ERBB4: variants seen among roughly 807,000 people sequenced by gnomAD.
The protein encoded by ERBB4 is receptor tyrosine-protein kinase erbB-4.
A neutral mutation model predicts 158.0 loss-of-function variants in ERBB4; 42 were observed. That is an observed-to-expected ratio of 0.27 (90% confidence interval 0.21 to 0.34). ERBB4 has a LOEUF of 0.34. Ranked by LOEUF, ERBB4 falls within the 10% of genes least tolerant of loss-of-function variation. The probability of loss-of-function intolerance (pLI) is 1.00; values close to 1 mark genes in which losing one functional copy is unlikely to be tolerated. For missense variants in ERBB4, 1,333 were observed against 1,624.1 expected, an observed-to-expected ratio of 0.82 and a Z score of 3.08; for synonymous variants, 583 against 558.7, an observed-to-expected ratio of 1.04 and a Z score of -0.61.
At chr2:212,025,546 T>G (rs2076753449) in intron 2 of ERBB4, among the ~76,000 whole-genome samples, 1 of 151,828 alleles carries the variant, frequency 6.6e-6, no homozygotes, top group Non-Finnish European at 1.5e-5. Context: ...AAAGTGTGAA[T>G]AGTTCATTTG....
intron 1 of ERBB4, among the ~76,000 whole-genome samples, chr2:212,500,047 TC>T (rs1055928744): frequency 1.3e-5 from 2 of 152,032 alleles, no homozygotes; most frequent in Non-Finnish European, 2.9e-5. Flanking sequence ...ATAATCCCTT[TC>T]CCCGGAATTT....
intron 2 of ERBB4, among the ~76,000 whole-genome samples, chr2:211,993,430 C>T (rs1173346014): frequency 2.6e-5 from 4 of 152,124 alleles, no homozygotes; most frequent in Non-Finnish European, 4.4e-5. Context: ...TAAACTTCTG[C>T]TGTTTAAGCC....
At chr2:211,500,084 G>C (rs1006255849) in intron 20 of ERBB4, among the ~76,000 whole-genome samples, 3 of 152,080 alleles carry the variant, frequency 2.0e-5, no homozygotes, top group African/African-American at 7.2e-5. Flanking sequence ...GAGACTGATG[G>C]AGATGAAATG....
chr2:212,033,230 C>CA (rs1032750430), intron 2 of ERBB4, among the ~76,000 whole-genome samples: 4 of 151,850 alleles, frequency 2.6e-5, no homozygotes, highest in African/African-American at 9.7e-5. Flanking sequence ...TTTAGATAGG[C>CA]AATTTGGAAA....
chr2:212,365,741 T>C (rs1281945972), intron 1 of ERBB4, among the ~76,000 whole-genome samples: 1 of 151,898 alleles, frequency 6.6e-6, no homozygotes, highest in Non-Finnish European at 1.5e-5. Flanking sequence ...TTTATATTTG[T>C]TCATCTACAA....
intron 2 of ERBB4, among the ~76,000 whole-genome samples, chr2:212,098,669 T>C (rs2078998237): frequency 6.6e-6 from 1 of 152,146 alleles, no homozygotes; most frequent in African/African-American, 2.4e-5. Context: ...TTAGGGATAT[T>C]ATATAATATT....
chr2:212,513,226 C>T lies in ERBB4; in HGVS notation c.82+25223G>A, dbSNP rs1275510336. On this transcript the variant is annotated intron_variant, in intron 1 of 27. Coordinates refer to ENST00000342788, the MANE Select transcript of ERBB4 (RefSeq NM_005235.3). ...GCCTTTACTGGTATGGAAGTAGCCA[C>T]GCAATAAGTATGTGCTGAATGAAAT... Among the ~76,000 whole-genome samples, 2 of 151,962 alleles carry T rather than the reference C, an allele frequency of 1.3e-5. 1 individual carries two copies.
At chr2:211,720,866 T>G (rs1024981862) in intron 7 of ERBB4, among the ~76,000 whole-genome samples, 1 of 152,232 alleles carries the variant, frequency 6.6e-6, no homozygotes, top group African/African-American at 2.4e-5. Context: ...CTTTCTAAGC[T>G]ACACATAAAC....
At chr2:211,565,909 T>C (rs1226078946) in intron 19 of ERBB4, among the ~76,000 whole-genome samples, 1 of 152,158 alleles carries the variant, frequency 6.6e-6, no homozygotes, top group Non-Finnish European at 1.5e-5. Context: ...AAATCATTGT[T>C]TTTCACATGG....
At chr2:212,019,238 T>A (rs558637392) in intron 2 of ERBB4, among the ~76,000 whole-genome samples, 3 of 152,312 alleles carry the variant, frequency 2.0e-5, no homozygotes, top group African/African-American at 7.2e-5. Context: ...GGCTCTTTAA[T>A]AGTATGTATG....
chr2:211,913,924 CAAGAT>C (rs2079612140), intron 3 of ERBB4, among the ~76,000 whole-genome samples: 1 of 148,664 alleles, frequency 6.7e-6, no homozygotes, highest in Non-Finnish European at 1.5e-5. Context: ...GGTAATTTAA[CAAGAT>C]AAGATGTCAA....
chr2:212,231,042 T>TA (rs1465054609), intron 1 of ERBB4, among the ~76,000 whole-genome samples: 3 of 152,216 alleles, frequency 2.0e-5, no homozygotes, highest in Non-Finnish European at 4.4e-5. Context: ...GAAATACAGT[T>TA]AGAGTATAGT....
rs1361536210 is a variant in ERBB4 at position 211,893,396 on chromosome 2, T to C, written c.421+54034A>G. Among the ~76,000 whole-genome samples, 4 of 142,162 alleles carry C rather than the reference T, an allele frequency of 2.8e-5. 1 individual carries two copies. The highest frequency in any genetic ancestry group is 5.6e-5 in the African/African-American group (2 of 35,544). 93.3% of individuals were successfully genotyped at this position (142,162 alleles called of 152,430 possible). A position where few individuals can be genotyped will look rare whatever the true frequency, so the allele number is the denominator to read the frequency against. On this transcript the variant is annotated intron_variant, in intron 3 of 27. Transcript: ENST00000342788. ...AACTGGATCCCTTCCTTACACTTTA[T>C]ACAAAAATCAATTCAAGATGGATTA...
intron 1 of ERBB4, among the ~76,000 whole-genome samples, chr2:212,202,866 A>T (rs1205739463): frequency 3.9e-5 from 6 of 152,076 alleles, no homozygotes; most frequent in African/African-American, 1.4e-4. Flanking sequence ...AAAAACTATT[A>T]GTTTTATGTA....
intron 1 of ERBB4, among the ~76,000 whole-genome samples, chr2:212,225,652 C>T (rs910789546): frequency 3.3e-5 from 5 of 150,026 alleles, no homozygotes; most frequent in African/African-American, 1.2e-4. Context: ...TATATTATAT[C>T]ACATAAAATA....
chr2:211,973,749 A>G (rs895757059), intron 2 of ERBB4, among the ~76,000 whole-genome samples: 12 of 152,240 alleles, frequency 7.9e-5, no homozygotes, highest in Non-Finnish European at 8.8e-5. Context: ...CCAAAGGAAT[A>G]TAAATCATTC....
chr2:212,500,525 T>C (rs1221461862), intron 1 of ERBB4, among the ~76,000 whole-genome samples: 2 of 152,102 alleles, frequency 1.3e-5, no homozygotes, highest in African/African-American at 4.8e-5. Context: ...TTTTTTTCAT[T>C]TTGTTGACTC....
At chr2:211,456,676 C>T (rs2064389279) in intron 20 of ERBB4, among the ~76,000 whole-genome samples, 1 of 152,038 alleles carries the variant, frequency 6.6e-6, no homozygotes, top group Admixed American at 6.6e-5. Flanking sequence ...ACAATTTTTC[C>T]ATGGATGTGG....
At chr2:211,800,957 T>C (rs1166544975) in intron 3 of ERBB4, among the ~76,000 whole-genome samples, 2 of 152,218 alleles carry the variant, frequency 1.3e-5, no homozygotes, top group Non-Finnish European at 2.9e-5. Context: ...AAAATGATTT[T>C]AATTACCATA....
Sources: gnomAD v4.1 joint callset for allele counts (sites outside exome capture counted in the v4.1 genomes callset) on GRCh38, gnomAD v4.1.1 for gene constraint, MANE v1.5 for transcripts, NCBI Gene and HGNC (gene_info 2026-07-23, HGNC 2026-07-21) for gene names.